The following CARMIL1 variants were observed in gnomAD, a reference collection of about 807,000 sequenced individuals.
CARMIL1 encodes the protein capping protein regulator and myosin 1 linker 1, also known as F-actin-uncapping protein LRRC16A.
In CARMIL1, 90 loss-of-function variants were observed where a neutral mutation model predicts 177.1. That is an observed-to-expected ratio of 0.51 (90% CI 0.43 to 0.61). The LOEUF (loss-of-function observed/expected upper bound fraction) is 0.61. Ranked by LOEUF, CARMIL1 falls within the 20% of genes least tolerant of loss-of-function variation. The pLI, the probability that CARMIL1 is intolerant of heterozygous loss-of-function variation, is 0.00. For synonymous variants in CARMIL1, 577 were observed against 606.2 expected, an observed-to-expected ratio of 0.95 and a Z score of 0.71; for missense variants, 1,380 against 1,667.0, an observed-to-expected ratio of 0.83 and a Z score of 3.00.
chr6:25,602,450 G>A (rs1280103356), intron 33 of CARMIL1, among the ~76,000 whole-genome samples: 1 of 152,196 alleles, frequency 6.6e-6, no homozygotes, highest in African/African-American at 2.4e-5. Context: ...GTGTAAAGAT[G>A]ACATTTACTA....
intron 2 of CARMIL1, among the ~76,000 whole-genome samples, chr6:25,314,350 G>A (rs1344949227): frequency 6.7e-5 from 10 of 148,762 alleles, no homozygotes; most frequent in Non-Finnish European, 1.3e-4. Flanking sequence ...GCACGTGCCT[G>A]TAGTCCCAGC....
chr6:25,596,128 T>C (rs977719691), intron 32 of CARMIL1, among the ~76,000 whole-genome samples: 3 of 139,368 alleles, frequency 2.2e-5, no homozygotes, highest in Non-Finnish European at 4.7e-5. Flanking sequence ...TGCTAGTTTC[T>C]TCTTTAATAG....
chr6:25,465,750 T>G lies in CARMIL1; in HGVS notation c.615-123T>G, dbSNP rs149260377. 45 of 685,026 alleles carry G rather than the reference T, an allele frequency of 6.6e-5. No homozygotes were observed. The East Asian group carries it at 1.1e-3, about 17-fold the overall frequency. The allele number at this position is 685,026 out of a possible 1,614,324, so 42.4% of individuals were successfully genotyped here. ...ACTTAGTTGTTGTCTAGTGGCCAAC[T>G]AGATGTTGTGTTTCTGAATAATAGA... is the stretch of plus-strand genomic sequence containing the variant. On this transcript the variant is annotated intron_variant, in intron 8 of 36. Transcript: ENST00000329474.
At chr6:25,370,407 G>A (rs1790289819) in intron 2 of CARMIL1, among the ~76,000 whole-genome samples, 1 of 152,182 alleles carries the variant, frequency 6.6e-6, no homozygotes, top group African/African-American at 2.4e-5. Flanking sequence ...AGGGAACAGA[G>A]CAACCTTTCC....
At chr6:25,611,500 A>G (rs1816501321) in intron 36 of CARMIL1, among the ~76,000 whole-genome samples, 1 of 152,044 alleles carries the variant, frequency 6.6e-6, no homozygotes, top group Non-Finnish European at 1.5e-5. Context: ...TCCCATTCCT[A>G]CCCTAATTTT....
At chr6:25,483,521 C>T (rs1005581289) in intron 12 of CARMIL1, among the ~76,000 whole-genome samples, 2 of 151,754 alleles carry the variant, frequency 1.3e-5, no homozygotes, top group African/African-American at 2.4e-5. Flanking sequence ...CCACCAGTAC[C>T]GGCACCACCA....
chr6:25,607,167 C>CA (rs1160657503), intron 35 of CARMIL1, among the ~76,000 whole-genome samples: 5 of 145,634 alleles, frequency 3.4e-5, no homozygotes, highest in Non-Finnish European at 7.4e-5. Context: ...ACCAACCAAA[C>CA]AAACAAAAAA....
chr6:25,286,866 AG>A (rs1349099314), intron 2 of CARMIL1, among the ~76,000 whole-genome samples: 2 of 152,254 alleles, frequency 1.3e-5, no homozygotes, highest in African/African-American at 4.8e-5. Context: ...GCTTATGATT[AG>A]TACTTAATTG....
chr6:25,344,283 C>T (rs1046852563), intron 2 of CARMIL1, among the ~76,000 whole-genome samples: 2 of 152,156 alleles, frequency 1.3e-5, no homozygotes, highest in African/African-American at 4.8e-5. Flanking sequence ...GAATCCATCA[C>T]GTCTTCACGG....
rs1342573876 is a variant in CARMIL1, at chr6:25,558,857, T to C, written c.2742+2007T>C. Among the ~76,000 whole-genome samples, 1 of 152,034 alleles carries C rather than the reference T, an allele frequency of 6.6e-6. No individual in the cohort carries two copies. Among genetic ancestry groups the C allele is most frequent in the Non-Finnish European group, 1.5e-5 (1 of 67,988 alleles). ...CAAGAGCTCTTCATCAAAAAAAGAA[T>C]ATATAGGTAGGCATGAGTTTTTAAG... On this transcript the variant is annotated intron_variant, in intron 29 of 36. Transcript: ENST00000329474. This position sits in a 1 kb window ranked among gnomAD's most constrained non-coding sequence, Gnocchi z 4.1.
At position 25,309,806 on chromosome 6, in the gene CARMIL1, G is replaced by A. The variant is rs141845255; in HGVS notation, c.138+24897G>A. Among the ~76,000 whole-genome samples the A allele has an allele frequency of 3.3e-5, 4 of 122,408 alleles. No homozygotes were observed. In the East Asian group the frequency reaches 8.9e-4, roughly 27 times the overall value. 80.3% of individuals were successfully genotyped at this position (122,408 alleles called of 152,430 possible). Reference sequence around the variant, plus strand: ...TTTTTTGGAGACAGAATCTTGCTCTGTTGCCCAGGCTAGAATGCAATGGCA... The same window carrying A: ...TTTTTTGGAGACAGAATCTTGCTCTATTGCCCAGGCTAGAATGCAATGGCA... On this transcript the variant is annotated intron_variant, in intron 2 of 36. Coordinates refer to ENST00000329474, the MANE Select transcript of CARMIL1 (RefSeq NM_017640.6).
At chr6:25,322,249 A>T (rs1415911994) in intron 2 of CARMIL1, among the ~76,000 whole-genome samples, 2 of 151,978 alleles carry the variant, frequency 1.3e-5, no homozygotes, top group Non-Finnish European at 2.9e-5. Flanking sequence ...CAGCGTTCTG[A>T]TTAGCTGGGA....
chr6:25,375,136 C>T (rs1790847100), intron 2 of CARMIL1, among the ~76,000 whole-genome samples: 1 of 152,118 alleles, frequency 6.6e-6, no homozygotes, highest in Non-Finnish European at 1.5e-5. Context: ...GCATATCAAC[C>T]TTTTGATTCA....
intron 36 of CARMIL1, among the ~76,000 whole-genome samples, chr6:25,614,423 A>G (rs1001973061): frequency 2.0e-5 from 3 of 152,248 alleles, no homozygotes; most frequent in African/African-American, 7.2e-5. Context: ...CATAGTTACA[A>G]TAACTCCTCT....
chr6:25,531,443 T>C (rs756413870), intron 24 of CARMIL1, among the ~76,000 whole-genome samples: 1 of 152,234 alleles, frequency 6.6e-6, no homozygotes, highest in Non-Finnish European at 1.5e-5. Flanking sequence ...TTCATCACAA[T>C]ATTAATGATG....
intron 29 of CARMIL1, among the ~76,000 whole-genome samples, chr6:25,580,281 C>T (rs150966599): frequency 6.6e-6 from 1 of 152,320 alleles, no homozygotes; most frequent in African/African-American, 2.4e-5. Flanking sequence ...GTTGGCTTTG[C>T]ACCATAAACA....
intron 5 of CARMIL1, among the ~76,000 whole-genome samples, chr6:25,441,749 T>C (rs1296285677): frequency 1.3e-5 from 2 of 152,246 alleles, no homozygotes; most frequent in East Asian, 3.9e-4. Context: ...TGGGGTGAAC[T>C]AGGGAAGGGT....
chr6:25,389,183 G>A (rs1253205242), intron 2 of CARMIL1: 1 of 152,188 alleles, frequency 6.6e-6, no homozygotes, highest in East Asian at 1.9e-4. Context: ...AGTAGAAAAT[G>A]GAATGGTTTT....
intron 11 of CARMIL1, among the ~76,000 whole-genome samples, chr6:25,475,650 A>T (rs957599376): frequency 6.6e-6 from 1 of 152,262 alleles, no homozygotes; most frequent in Non-Finnish European, 1.5e-5. Context: ...TGGAATTCTG[A>T]CACATGCCAC....
Sources: allele counts gnomAD v4.1 joint callset (sites outside exome capture counted in the v4.1 genomes callset), GRCh38; gene constraint gnomAD v4.1.1; non-coding constraint Gnocchi (gnomAD v3.1); transcripts MANE v1.5; gene names NCBI Gene and HGNC (gene_info 2026-07-23, HGNC 2026-07-21).